Variants in NDFIP1 observed in about 807,000 individuals in gnomAD.
The protein encoded by NDFIP1 is NEDD4 family-interacting protein 1.
A neutral mutation model predicts 28.8 loss-of-function variants in NDFIP1; 7 were observed. That is an observed-to-expected ratio of 0.24 (90% CI 0.14 to 0.46). The LOEUF (loss-of-function observed/expected upper bound fraction) is 0.46, where lower values mean the gene tolerates loss of function less well. NDFIP1 is among the 20% of genes least tolerant of loss of function. The pLI, the probability that NDFIP1 is intolerant of heterozygous loss-of-function variation, is 0.99. For synonymous variants in NDFIP1, 92 were observed against 101.0 expected (o/e 0.91, Z 0.53); for missense variants, 194 against 269.1 (o/e 0.72, Z 1.95).
chr5:142,153,646 A>G lies in NDFIP1; in HGVS notation c.*1918A>G, dbSNP rs1201549282. On this transcript the variant is annotated 3_prime_UTR_variant, in exon 8 of 8. Transcript: ENST00000253814. ...CATTTCGAATCAGATTATAGCAACA[A>G]TGGAGTTTGGAAGTTTGTATGGCCT... 1 of 300,272 alleles carries G rather than the reference A, an allele frequency of 3.3e-6. No homozygotes were observed. Among genetic ancestry groups the G allele is most frequent in the Non-Finnish European group, 6.6e-6 (1 of 151,708 alleles). 18.6% of individuals were successfully genotyped at this position (300,272 alleles called of 1,614,324 possible).
intron 1 of NDFIP1, among the ~76,000 whole-genome samples, chr5:142,126,241 C>A (rs1303164385): frequency 6.6e-6 from 1 of 152,070 alleles, no homozygotes; most frequent in Non-Finnish European, 1.5e-5. Flanking sequence ...AGGGACTATG[C>A]AGAAGTAGTG....
At chr5:142,136,913 AATT>A (rs1757281629) in intron 4 of NDFIP1, among the ~76,000 whole-genome samples, 1 of 79,040 alleles carries the variant, frequency 1.3e-5, no homozygotes, top group African/African-American at 6.4e-5. Context: ...TAAAAACAAA[AATT>A]AGCCGTTAGC....
intron 7 of NDFIP1, among the ~76,000 whole-genome samples, chr5:142,150,301 T>C (rs557581636): frequency 1.3e-5 from 2 of 151,950 alleles, no homozygotes; most frequent in African/African-American, 4.8e-5. Flanking sequence ...TCTTTTTTGC[T>C]TCTGCTTGGC....
chr5:142,118,863 AT>A (rs1035533877), intron 1 of NDFIP1, among the ~76,000 whole-genome samples: 3 of 151,494 alleles, frequency 2.0e-5, no homozygotes, highest in East Asian at 1.9e-4. Context: ...ATCATTGTGG[AT>A]TTTTTTTTAA....
chr5:142,115,377 A>G (rs1219621821), intron 1 of NDFIP1, among the ~76,000 whole-genome samples: 4 of 152,032 alleles, frequency 2.6e-5, no homozygotes, highest in East Asian at 1.9e-4. Flanking sequence ...TCCGCCTCCC[A>G]GGTTCAAGCG....
intron 1 of NDFIP1, among the ~76,000 whole-genome samples, chr5:142,130,676 AGAGT>A (rs1757218341): frequency 6.9e-6 from 1 of 143,908 alleles, no homozygotes; most frequent in African/African-American, 2.7e-5. Flanking sequence ...CTGGACAACA[AGAGT>A]GAGATCCTGT....
chr5:142,129,408 A>G (rs1757203603), intron 1 of NDFIP1, among the ~76,000 whole-genome samples: 1 of 152,192 alleles, frequency 6.6e-6, no homozygotes, highest in South Asian at 2.1e-4. Flanking sequence ...CTTTGTTTAA[A>G]AGGAAAAATT....
intron 7 of NDFIP1, among the ~76,000 whole-genome samples, chr5:142,149,964 G>A (rs886927669): frequency 5.3e-5 from 8 of 152,106 alleles, no homozygotes; most frequent in South Asian, 2.1e-4. Context: ...GGCAGATCAC[G>A]AGGTCAGGAG....
intron 7 of NDFIP1, among the ~76,000 whole-genome samples, chr5:142,148,114 G>A (rs1452401263): frequency 6.6e-6 from 1 of 152,082 alleles, no homozygotes; most frequent in African/African-American, 2.4e-5. Flanking sequence ...TACCAAAACA[G>A]AAAAATAATA....
At chr5:142,123,719 A>C (rs1313103356) in intron 1 of NDFIP1, among the ~76,000 whole-genome samples, 1 of 152,228 alleles carries the variant, frequency 6.6e-6, no homozygotes. Flanking sequence ...CATTATTTTT[A>C]GTATTGTTTA....
chr5:142,122,630 GGTT>G (rs1757132198), intron 1 of NDFIP1, among the ~76,000 whole-genome samples: 1 of 151,972 alleles, frequency 6.6e-6, no homozygotes, highest in Admixed American at 6.6e-5. Flanking sequence ...CGAGAATTCT[GGTT>G]ATTATATATT....
chr5:142,139,219 C>CA (rs11384111), intron 5 of NDFIP1, among the ~76,000 whole-genome samples: 23,078 of 109,024 alleles, frequency 0.21, 2,554 homozygotes, highest in African/African-American at 0.39. Context: ...GACTCCTTCT[C>CA]AAAAAAAAAA....
intron 1 of NDFIP1, among the ~76,000 whole-genome samples, chr5:142,109,722 TG>T (rs923268804): frequency 1.6e-4 from 24 of 152,160 alleles, no homozygotes; most frequent in African/African-American, 5.6e-4. Flanking sequence ...ATGGCATAGC[TG>T]GGGAGGAAAT....
chr5:142,122,896 T>C (rs1757134543), intron 1 of NDFIP1, among the ~76,000 whole-genome samples: 2 of 152,198 alleles, frequency 1.3e-5, no homozygotes, highest in South Asian at 4.1e-4. Context: ...TCCCGCTCTT[T>C]GGATTTTCTT....
At chr5:142,131,706 G>A (rs1757229312) in intron 1 of NDFIP1, 102 bp from the exon 2 acceptor site, 10 of 781,264 alleles carry the variant, frequency 1.3e-5, no homozygotes, top group East Asian at 2.9e-5. Flanking sequence ...TTCAAAATAC[G>A]TTGCCAAATA....
Position 142,113,866 on chromosome 5 carries a change from G to C in NDFIP1, c.63+4829G>C, listed in dbSNP as rs6868680. Among the ~76,000 whole-genome samples, 666 of 152,298 alleles carry C rather than the reference G, an allele frequency of 4.4e-3. 7 individuals carry two copies. The highest frequency in any genetic ancestry group is 0.016 in the African/African-American group (645 of 41,558). Reference sequence around the variant, plus strand: ...AATGTCTTCAGAGTTCATCCATGTTGTAGCATGTGTCAGAATTTCCTGCCT... The same window carrying C: ...AATGTCTTCAGAGTTCATCCATGTTCTAGCATGTGTCAGAATTTCCTGCCT... On this transcript the variant is annotated intron_variant, in intron 1 of 7. Transcript: ENST00000253814.
In NDFIP1 at chr5:142,144,485, G is replaced by A. The variant is rs1253229282; in HGVS notation, c.563-86G>A. On this transcript the variant is annotated intron_variant, in intron 6 of 7. Coordinates refer to ENST00000253814, the MANE Select transcript of NDFIP1 (RefSeq NM_030571.4). The stretch of plus-strand genomic sequence containing the variant: ...TTACCTTTAGCAGAAAAATAACAAT[G>A]TATCGCTATCAGGAGAGGGATTTCT... The A allele has an allele frequency of 4.3e-6, 4 of 921,420 alleles. No homozygotes were observed. In the Admixed American group the frequency reaches 8.7e-5, roughly 20 times the overall value. 57.1% of individuals were successfully genotyped at this position (921,420 alleles called of 1,614,324 possible).
At position 142,131,892 on chromosome 5, in the gene NDFIP1, G is replaced by T; in HGVS notation, c.148G>T (p.Ala50Ser). 1 of 1,593,984 alleles carries T rather than the reference G, an allele frequency of 6.3e-7. No individual in the cohort carries two copies. Among genetic ancestry groups the T allele is most frequent in the African/African-American group, 1.4e-5 (1 of 73,758 alleles). ...PPYSSISAES[A>S]AYFDYKDESG... ...TTACAGCAGCATTTCTGCAGAGAGC[G>T]CAGGTAGGTAACAGGGCAAGGTGAT... Residue 50 changes from alanine to serine, a missense_variant, in exon 2 of 8, where the codon GCA (alanine) becomes TCA (serine). Physicochemically the swap from Ala to Ser is moderately conservative, Grantham distance 99 (BLOSUM62 1). Transcript: ENST00000253814.
chr5:142,122,052 T>C (rs776853083), intron 1 of NDFIP1, among the ~76,000 whole-genome samples: 2 of 152,262 alleles, frequency 1.3e-5, no homozygotes, highest in Non-Finnish European at 2.9e-5. Context: ...TAGTGAAGTA[T>C]GATTTATGTA....
Sources: allele counts gnomAD v4.1 joint callset (sites outside exome capture counted in the v4.1 genomes callset), GRCh38; gene constraint gnomAD v4.1.1; transcripts MANE v1.5; gene names NCBI Gene and HGNC (gene_info 2026-07-23, HGNC 2026-07-21).